Variants in HTR1F observed in about 807,000 individuals in gnomAD.
HTR1F encodes the protein 5-hydroxytryptamine (serotonin) receptor 1F, G protein-coupled.
A neutral mutation model predicts 24.0 loss-of-function variants in HTR1F; 17 were observed. That is an observed-to-expected ratio of 0.71 (90% CI 0.48 to 1.06). HTR1F has a LOEUF of 1.06. Ranked by LOEUF, HTR1F falls within the 50% of genes least tolerant of loss-of-function variation. The pLI is 0.00. For missense variants in HTR1F, 391 were observed against 427.8 expected (o/e 0.91, Z 0.76); for synonymous variants, 186 against 156.8 (o/e 1.19, Z -1.39).
chr3:87,876,190 A>C (rs1705669632), intron 2 of HTR1F, among the ~76,000 whole-genome samples: 1 of 152,244 alleles, frequency 6.6e-6, no homozygotes, highest in South Asian at 2.1e-4. Flanking sequence ...GGAAAGCAGT[A>C]TGAACATTCC....
At chr3:87,971,667 A>G (rs1233617374) in intron 2 of HTR1F, among the ~76,000 whole-genome samples, 2 of 152,262 alleles carry the variant, frequency 1.3e-5, no homozygotes, top group Non-Finnish European at 2.9e-5. Context: ...CCTTGGAGAT[A>G]ATCACAGTTA....
intron 2 of HTR1F, among the ~76,000 whole-genome samples, chr3:87,946,892 T>C (rs1315593618): frequency 6.6e-6 from 1 of 152,180 alleles, no homozygotes; most frequent in Non-Finnish European, 1.5e-5. Flanking sequence ...CCCAAAGTGC[T>C]GGGATTACAG....
chr3:87,887,399 C>A (rs1250140364), intron 2 of HTR1F, among the ~76,000 whole-genome samples: 1 of 152,176 alleles, frequency 6.6e-6, no homozygotes, highest in African/African-American at 2.4e-5. Flanking sequence ...CAATACCATT[C>A]ATGACATAGG....
intron 2 of HTR1F, among the ~76,000 whole-genome samples, chr3:87,911,383 G>A (rs766927957): frequency 2.6e-4 from 39 of 151,940 alleles, no homozygotes; most frequent in Non-Finnish European, 4.1e-4. Context: ...GGATAAATTT[G>A]TGGACACATA....
At chr3:87,865,540 A>T (rs1158923857) in intron 2 of HTR1F, among the ~76,000 whole-genome samples, 1 of 152,080 alleles carries the variant, frequency 6.6e-6, no homozygotes, top group Non-Finnish European at 1.5e-5. Flanking sequence ...AATTTTCCTC[A>T]TTCTAGAACT....
At chr3:87,925,600 T>C (rs945589924) in intron 2 of HTR1F, among the ~76,000 whole-genome samples, 2 of 152,276 alleles carry the variant, frequency 1.3e-5, no homozygotes, top group African/African-American at 4.8e-5. Flanking sequence ...AGTGTCTCTG[T>C]TCTCAAAATA....
chr3:87,814,633 A>C (rs1704218958), intron 1 of HTR1F, among the ~76,000 whole-genome samples: 1 of 152,164 alleles, frequency 6.6e-6, no homozygotes, highest in African/African-American at 2.4e-5. Flanking sequence ...AAAATTCTGC[A>C]AAATTGGAAC....
chr3:87,914,800 C>G (rs1703856616), intron 2 of HTR1F, among the ~76,000 whole-genome samples: 1 of 152,034 alleles, frequency 6.6e-6, no homozygotes, highest in African/African-American at 2.4e-5. Flanking sequence ...CTTGGGAGTT[C>G]TAGGGCCCCA....
intron 2 of HTR1F, among the ~76,000 whole-genome samples, chr3:87,911,026 A>T (rs1263151866): frequency 3.9e-5 from 6 of 152,036 alleles, no homozygotes; most frequent in African/African-American, 1.4e-4. Flanking sequence ...AAGTGAGAAT[A>T]ATCTCAAATT....
chr3:87,967,627 T>C (rs930358944), intron 2 of HTR1F, among the ~76,000 whole-genome samples: 1 of 151,902 alleles, frequency 6.6e-6, no homozygotes, highest in Admixed American at 6.6e-5. Flanking sequence ...GTTCTCATGA[T>C]AGTGAAAAAA....
At position 87,991,019 on chromosome 3, in the gene HTR1F, T is replaced by C. The variant is rs1185163790; in HGVS notation, c.270T>C (p.Ile90=). The C allele has an allele frequency of 1.9e-6, 3 of 1,614,036 alleles. No homozygotes were observed. The highest frequency in any genetic ancestry group is 1.6e-4 in the Middle Eastern group (1 of 6,084). ...TGTATATTGTGAGAGAGAGCTGGAT[T>C]ATGGGGCAAGTGGTCTGTGACATTT... ...SIVYIVRESW[I]MGQVVCDIWL... The change falls in exon 3 of 3, where the codon ATT becomes ATC. Residue 90 remains isoleucine, a synonymous_variant. Coordinates refer to ENST00000319595, the MANE Select transcript of HTR1F (RefSeq NM_001322209.2).
intron 2 of HTR1F, among the ~76,000 whole-genome samples, chr3:87,966,353 A>G (rs2919264): frequency 0.5 from 76,089 of 152,154 alleles, 22,489 homozygotes; most frequent in African/African-American, 0.84. Context: ...AATTCACACC[A>G]TGGCAGAAAG....
At chr3:87,796,437 T>C (rs1703907018) in intron 1 of HTR1F, among the ~76,000 whole-genome samples, 1 of 152,028 alleles carries the variant, frequency 6.6e-6, no homozygotes, top group African/African-American at 2.4e-5. Flanking sequence ...GAGATAAGAA[T>C]GTGTGAGTCA....
intron 2 of HTR1F, among the ~76,000 whole-genome samples, chr3:87,826,754 C>A (rs1188147590): frequency 2.0e-5 from 3 of 152,108 alleles, no homozygotes; most frequent in Non-Finnish European, 4.4e-5. Context: ...TACCACAGCA[C>A]CTAGAATGTG....
chr3:87,937,427 T>A (rs2107427988), intron 2 of HTR1F, among the ~76,000 whole-genome samples: 1 of 152,252 alleles, frequency 6.6e-6, no homozygotes, highest in East Asian at 1.9e-4. Flanking sequence ...CATTCCTCCA[T>A]GTGAGAATGT....
chr3:87,821,980 G>C (rs963314697), intron 1 of HTR1F, among the ~76,000 whole-genome samples, 28 bp from the exon 2 acceptor site: 66 of 152,202 alleles, frequency 4.3e-4, no homozygotes, highest in African/African-American at 1.4e-3. Flanking sequence ...GACAAGAAAT[G>C]ATTTGTTTTA....
At chr3:87,891,487 A>C (rs1362860364) in intron 2 of HTR1F, among the ~76,000 whole-genome samples, 2 of 152,216 alleles carry the variant, frequency 1.3e-5, no homozygotes, top group African/African-American at 4.8e-5. Flanking sequence ...ACACCTAACA[A>C]GAATGATTTA....
At chr3:87,886,140 C>A (rs1477317119) in intron 2 of HTR1F, among the ~76,000 whole-genome samples, 1 of 152,170 alleles carries the variant, frequency 6.6e-6, no homozygotes, top group Non-Finnish European at 1.5e-5. Context: ...AGCTCATCCA[C>A]CACGATCAAG....
At chr3:87,967,966 A>G (rs1705203054) in intron 2 of HTR1F, among the ~76,000 whole-genome samples, 1 of 152,178 alleles carries the variant, frequency 6.6e-6, no homozygotes, top group Non-Finnish European at 1.5e-5. Flanking sequence ...AGAAGACAGG[A>G]AGATGTGGGA....
Sources: allele counts gnomAD v4.1 joint callset (sites outside exome capture counted in the v4.1 genomes callset), GRCh38; gene constraint gnomAD v4.1.1; transcripts MANE v1.5; gene names NCBI Gene and HGNC (gene_info 2026-07-23, HGNC 2026-07-21).